The following SNX29 variants were observed in gnomAD, a reference collection of about 807,000 sequenced individuals.
The protein encoded by SNX29 is sorting nexin-29.
In SNX29, 78 loss-of-function variants were observed where a neutral mutation model predicts 102.1. The observed-to-expected ratio is 0.76, with a 90% CI of 0.64 to 0.92. SNX29 has a LOEUF of 0.92. Among genes scored for constraint, SNX29 ranks in the 40% least tolerant of loss-of-function variants. The pLI, the probability that SNX29 is intolerant of heterozygous loss-of-function variation, is 0.00. For synonymous variants in SNX29, 580 were observed against 414.5 expected, an observed-to-expected ratio of 1.40 and a Z score of -4.85; for missense variants, 1,280 against 1,061.7, an observed-to-expected ratio of 1.21 and a Z score of -2.86.
At chr16:11,978,395 T>C (rs1244380167) in intron 1 of SNX29, among the ~76,000 whole-genome samples, 1 of 152,232 alleles carries the variant, frequency 6.6e-6, no homozygotes, top group East Asian at 1.9e-4. Flanking sequence ...TAAGAGTAAG[T>C]TCTCGACCAT....
At chr16:12,163,458 A>G (rs1475227528) in intron 13 of SNX29, among the ~76,000 whole-genome samples, 1 of 152,112 alleles carries the variant, frequency 6.6e-6, no homozygotes, top group Non-Finnish European at 1.5e-5. Context: ...GACAGAGGCC[A>G]GACCAGAGGC....
At chr16:12,470,887 G>A (rs1361550608) in intron 18 of SNX29, among the ~76,000 whole-genome samples, 1 of 152,178 alleles carries the variant, frequency 6.6e-6, no homozygotes, top group Non-Finnish European at 1.5e-5. Context: ...CCAGGCATGG[G>A]CGAGGCACGA....
chr16:12,370,892 A>T (rs1471408044), intron 16 of SNX29, among the ~76,000 whole-genome samples: 1 of 152,170 alleles, frequency 6.6e-6, no homozygotes, highest in East Asian at 1.9e-4. Context: ...TCCCTGATTT[A>T]GTTGCAAAAA....
At chr16:12,537,053 A>G (rs907388980) in intron 20 of SNX29, among the ~76,000 whole-genome samples, 3 of 152,224 alleles carry the variant, frequency 2.0e-5, no homozygotes, top group African/African-American at 7.2e-5. Flanking sequence ...TTCACTGAGC[A>G]TATTTAGGAG....
intron 11 of SNX29, chr16:12,087,675 C>A: frequency 2.8e-6 from 1 of 363,114 alleles, no homozygotes; most frequent in Non-Finnish European, 5.5e-6. Flanking sequence ...CTGAAGTTAT[C>A]CTGGGCTTTA....
At chr16:12,544,648 C>A (rs534664207) in intron 20 of SNX29, among the ~76,000 whole-genome samples, 2 of 152,344 alleles carry the variant, frequency 1.3e-5, no homozygotes, top group South Asian at 4.1e-4. Flanking sequence ...TCATGTCAGA[C>A]TGTTTACTTC....
At chr16:12,492,648 G>A (rs1463279351) in intron 19 of SNX29, among the ~76,000 whole-genome samples, 1 of 152,182 alleles carries the variant, frequency 6.6e-6, no homozygotes, top group Admixed American at 6.5e-5. Context: ...TTCTTCTAGG[G>A]TTTTTATGGT....
At chr16:12,298,678 A>G (rs544276659) in intron 15 of SNX29, among the ~76,000 whole-genome samples, 3 of 152,294 alleles carry the variant, frequency 2.0e-5, no homozygotes, top group South Asian at 2.1e-4. Context: ...TTTCCTCTCT[A>G]GAATAGGCCA....
chr16:12,122,835 A>G (rs1023143321), intron 11 of SNX29, among the ~76,000 whole-genome samples: 1 of 151,686 alleles, frequency 6.6e-6, no homozygotes, highest in African/African-American at 2.4e-5. Context: ...TTTAAAAAAA[A>G]TTTTTTTTCT....
At chr16:12,436,090 T>A (rs1173500784) in intron 18 of SNX29, among the ~76,000 whole-genome samples, 2 of 152,156 alleles carry the variant, frequency 1.3e-5, no homozygotes, top group East Asian at 3.9e-4. Context: ...GCACACACCG[T>A]GAGTTTTATG....
intron 13 of SNX29, 63 bp from the exon 14 acceptor site, chr16:12,199,538 C>A: frequency 4.8e-6 from 7 of 1,456,796 alleles, no homozygotes; most frequent in Non-Finnish European, 6.6e-6. Context: ...CCCCTGCCCC[C>A]TCCTGTGGGT....
intron 13 of SNX29, among the ~76,000 whole-genome samples, chr16:12,164,997 C>A (rs1448356765): frequency 6.6e-6 from 1 of 152,114 alleles, no homozygotes; most frequent in African/African-American, 2.4e-5. Flanking sequence ...CTTATTCATG[C>A]CTTTTTGACT....
intron 18 of SNX29, among the ~76,000 whole-genome samples, chr16:12,456,170 A>C (rs2086530270): frequency 6.6e-6 from 1 of 152,192 alleles, no homozygotes; most frequent in Non-Finnish European, 1.5e-5. Flanking sequence ...ACTCCCAAGA[A>C]TATGTATAAT....
chr16:12,029,767 T>C (rs954146038), intron 4 of SNX29: 1 of 354,466 alleles, frequency 2.8e-6, no homozygotes, highest in African/African-American at 2.2e-5. Flanking sequence ...AATTTTTGTA[T>C]TTTTAGTAGA....
At chr16:12,023,396 A>G (rs2057087150) in intron 3 of SNX29, among the ~76,000 whole-genome samples, 1 of 130,348 alleles carries the variant, frequency 7.7e-6, no homozygotes, top group Non-Finnish European at 1.6e-5. Context: ...CAACAAAGTG[A>G]GACTCTGTCT....
intron 14 of SNX29, among the ~76,000 whole-genome samples, chr16:12,264,696 C>A (rs748039643): frequency 1.3e-5 from 2 of 151,754 alleles, no homozygotes; most frequent in African/African-American, 4.8e-5. Flanking sequence ...GGAGGAGGAT[C>A]TCTTGAACCC....
At position 12,542,667 on chromosome 16, in the gene SNX29, G is replaced by A. The variant is rs144241965; in HGVS notation, c.2318+17826G>A. Among the ~76,000 whole-genome samples, 484 of 152,270 alleles carry A rather than the reference G, an allele frequency of 3.2e-3. 1 individual carries two copies. Among genetic ancestry groups the A allele is most frequent in the African/African-American group, 9.1e-3 (377 of 41,542 alleles). ...ACTTAAACTTGTGTTTGAAGGCAGC[G>A]TGTTGGGAACATGGACTTTGGGGCC... On this transcript the variant is annotated intron_variant, in intron 20 of 20. Transcript: ENST00000566228.
chr16:12,542,734 C>A (rs943892957), intron 20 of SNX29, among the ~76,000 whole-genome samples: 20 of 138,280 alleles, frequency 1.4e-4, no homozygotes, highest in African/African-American at 5.1e-4. Context: ...AAATCTTGTG[C>A]ATATAAGCAC....
chr16:12,089,871 T>C (rs1435433083), intron 11 of SNX29: 1 of 393,982 alleles, frequency 2.5e-6, no homozygotes, highest in Non-Finnish European at 5.0e-6. Context: ...CGCCCTCCCT[T>C]GTACAGGCAG....
Sources: gnomAD v4.1 joint callset for allele counts (sites outside exome capture counted in the v4.1 genomes callset) on GRCh38, gnomAD v4.1.1 for gene constraint, MANE v1.5 for transcripts, NCBI Gene and HGNC (gene_info 2026-07-23, HGNC 2026-07-21) for gene names.